HPGDS: variants seen among roughly 807,000 people sequenced by gnomAD.
The protein encoded by HPGDS is hematopoietic prostaglandin D synthase, also known as GST class-sigma.
HPGDS carries 26 observed loss-of-function variants against 23.1 expected under a neutral mutation model. That is an observed-to-expected ratio of 1.13 (90% CI 0.83 to 1.56). HPGDS has a LOEUF of 1.56. Among genes scored for constraint, HPGDS ranks in the 40% most tolerant of loss-of-function variants. The pLI is 0.00. For missense variants in HPGDS, 268 were observed against 236.4 expected (o/e 1.13, Z -0.88); for synonymous variants, 95 against 77.9 (o/e 1.22, Z -1.16).
intron 3 of HPGDS, among the ~76,000 whole-genome samples, chr4:94,309,695 G>A (rs1197090355): frequency 6.6e-6 from 1 of 151,714 alleles, no homozygotes; most frequent in East Asian, 1.9e-4. Flanking sequence ...GATCCCTGAG[G>A]AATCACCACA....
At chr4:94,321,482 C>A (rs989711201) in intron 2 of HPGDS, among the ~76,000 whole-genome samples, 1 of 152,080 alleles carries the variant, frequency 6.6e-6, no homozygotes, top group Non-Finnish European at 1.5e-5. Flanking sequence ...CCTTCACATC[C>A]CTTTTAAGTT....
chr4:94,339,007 G>T, intron 1 of HPGDS, among the ~76,000 whole-genome samples: 1 of 152,200 alleles, frequency 6.6e-6, no homozygotes, highest in Non-Finnish European at 1.5e-5. Flanking sequence ...GCTCAGAGGT[G>T]CATTGTCTTA....
chr4:94,314,721 T>G (rs1292680890), intron 3 of HPGDS, among the ~76,000 whole-genome samples: 1 of 152,208 alleles, frequency 6.6e-6, no homozygotes, highest in Non-Finnish European at 1.5e-5. Flanking sequence ...TGTTTGGCTA[T>G]GCCCTGCCCC....
intron 2 of HPGDS, among the ~76,000 whole-genome samples, chr4:94,328,900 G>C (rs1337878672): frequency 6.6e-6 from 1 of 152,140 alleles, no homozygotes; most frequent in Non-Finnish European, 1.5e-5. Flanking sequence ...TCTCCTTCAA[G>C]TATCTTTCAT....
At chr4:94,320,867 G>A (rs1465818986) in intron 2 of HPGDS, among the ~76,000 whole-genome samples, 2 of 152,162 alleles carry the variant, frequency 1.3e-5, no homozygotes, top group Non-Finnish European at 2.9e-5. Flanking sequence ...TATTGCCTAG[G>A]TTTTCTTCTA....
chr4:94,315,156 T>G (rs895548034), intron 3 of HPGDS, among the ~76,000 whole-genome samples: 1 of 150,282 alleles, frequency 6.7e-6, no homozygotes, highest in Non-Finnish European at 1.5e-5. Context: ...CTGCACCTAC[T>G]GTCTGACAAT....
chr4:94,324,787 A>G (rs976092291), intron 2 of HPGDS, among the ~76,000 whole-genome samples: 4 of 152,184 alleles, frequency 2.6e-5, no homozygotes, highest in Non-Finnish European at 2.9e-5. Context: ...TTCTCCATCC[A>G]GCTTGTTCCA....
At chr4:94,322,868 C>T (rs149074622) in intron 2 of HPGDS, among the ~76,000 whole-genome samples, 3,765 of 152,142 alleles carry the variant, frequency 0.025, 105 homozygotes, top group African/African-American at 0.074. Context: ...GTGTCAATTT[C>T]AGATCTTTTC....
intron 3 of HPGDS, among the ~76,000 whole-genome samples, chr4:94,313,555 T>C (rs974856333): frequency 1.1e-4 from 16 of 152,154 alleles, no homozygotes; most frequent in African/African-American, 3.6e-4. Context: ...ACCTTTCTCT[T>C]TGGCTGCCCT....
At chr4:94,317,233 C>T (rs1415456005) in intron 3 of HPGDS, among the ~76,000 whole-genome samples, 2 of 151,948 alleles carry the variant, frequency 1.3e-5, no homozygotes, top group Non-Finnish European at 2.9e-5. Flanking sequence ...TAGCTTTTGG[C>T]TCAAAAAGGG....
intron 2 of HPGDS, among the ~76,000 whole-genome samples, chr4:94,327,111 T>A (rs1579444611): frequency 6.6e-6 from 1 of 151,874 alleles, no homozygotes; most frequent in Non-Finnish European, 1.5e-5. Context: ...GGCCTGGGTG[T>A]GTGGATTCCT....
intron 3 of HPGDS, among the ~76,000 whole-genome samples, chr4:94,310,554 G>A (rs1218278083): frequency 1.3e-5 from 2 of 152,202 alleles, no homozygotes; most frequent in Non-Finnish European, 2.9e-5. Context: ...AGTATAGTTT[G>A]AAGTCGGGTA....
At chr4:94,303,506 T>G (rs1756083726) in intron 4 of HPGDS, among the ~76,000 whole-genome samples, 5 of 152,174 alleles carry the variant, frequency 3.3e-5, no homozygotes, top group African/African-American at 1.2e-4. Context: ...AACCGAAGCT[T>G]ATAAAGCTTG....
chr4:94,338,815 T>C (rs1352254489), intron 1 of HPGDS, among the ~76,000 whole-genome samples: 1 of 152,194 alleles, frequency 6.6e-6, no homozygotes, highest in East Asian at 1.9e-4. Flanking sequence ...CCATTTGCTG[T>C]GTCCAAAATG....
chr4:94,309,957 G>A (rs148115141), intron 3 of HPGDS, among the ~76,000 whole-genome samples: 3,751 of 152,138 alleles, frequency 0.025, 102 homozygotes, highest in African/African-American at 0.074. Context: ...CATATCTTTC[G>A]CCCACTTGTT....
At chr4:94,322,098 A>C (rs1255486795) in intron 2 of HPGDS, among the ~76,000 whole-genome samples, 1 of 152,082 alleles carries the variant, frequency 6.6e-6, no homozygotes, top group African/African-American at 2.4e-5. Context: ...CGAGCTTTGC[A>C]TCCCAGGAAT....
intron 3 of HPGDS, among the ~76,000 whole-genome samples, chr4:94,310,069 A>G (rs1003113992): frequency 1.3e-5 from 2 of 152,098 alleles, no homozygotes; most frequent in Non-Finnish European, 2.9e-5. Flanking sequence ...ATTTTCTCCC[A>G]TTCTGTAGGT....
chr4:94,341,528 C>T (rs1323462313), intron 1 of HPGDS, among the ~76,000 whole-genome samples: 1 of 152,142 alleles, frequency 6.6e-6, no homozygotes, highest in East Asian at 1.9e-4. Flanking sequence ...AGAAAACTTA[C>T]AAATGAGGAA....
chr4:94,322,975 T>C (rs1158987831), intron 2 of HPGDS, among the ~76,000 whole-genome samples: 1 of 152,256 alleles, frequency 6.6e-6, no homozygotes, highest in African/African-American at 2.4e-5. Context: ...TTTGTTCTCA[T>C]TGGTTTCAAA....
Sources: allele counts gnomAD v4.1 joint callset (sites outside exome capture counted in the v4.1 genomes callset), GRCh38; gene constraint gnomAD v4.1.1; transcripts MANE v1.5; gene names NCBI Gene and HGNC (gene_info 2026-07-23, HGNC 2026-07-21).